The following ZNF43 variants were observed in gnomAD, a reference collection of about 807,000 sequenced individuals.
ZNF43 encodes the protein zinc finger protein 43.
In ZNF43, 44 loss-of-function variants were observed where a neutral mutation model predicts 68.4. That is an observed-to-expected ratio of 0.64 (90% CI 0.51 to 0.83). The LOEUF (loss-of-function observed/expected upper bound fraction) is 0.83. Ranked by LOEUF, ZNF43 falls within the 40% of genes least tolerant of loss-of-function variation. The pLI is 0.00. For missense variants in ZNF43, 896 were observed against 933.2 expected (o/e 0.96, Z 0.52); for synonymous variants, 308 against 307.8 (o/e 1.00, Z -0.01).
In ZNF43 at chr19:21,828,327, C is replaced by T. The variant is rs376662505; in HGVS notation, c.3+7709G>A. ...AGGCATGGTGATTCATGCCTGTAAT[C>T]CCAGCACTTTGGGAGGCCAAGGCGG... On this transcript the variant is annotated intron_variant, in intron 1 of 3. Coordinates refer to ENST00000354959, the MANE Select transcript of ZNF43 (RefSeq NM_003423.4). 6.6e-5 allele frequency among the ~76,000 whole-genome samples: 10 copies of T among 152,334 alleles called. No individual in the cohort carries two copies. In the East Asian group the frequency reaches 1.5e-3, roughly 24 times the overall value.
chr19:21,849,271 C>A (rs1968168262), intron 1 of ZNF43, among the ~76,000 whole-genome samples: 1 of 151,958 alleles, frequency 6.6e-6, no homozygotes, highest in Non-Finnish European at 1.5e-5. Flanking sequence ...GGTGGATAAC[C>A]TGAGGTCGGG....
chr19:21,819,145 T>A lies in ZNF43; in HGVS notation c.80A>T (p.Asn27Ile). 1 of 1,611,740 alleles carries A rather than the reference T, an allele frequency of 6.2e-7. No homozygotes were observed. ...EWQCLDIAQQ[N>I]LYRNVMLENY... ...CTCTAACATCACATTCCTATATAAA[T>A]TCTGCTGTGCAATGTCCAGGCATTG... The change falls in exon 2 of 4, where the codon AAT becomes ATT. Residue 27 changes from asparagine to isoleucine, a missense_variant. Asn to Ile is a moderately radical substitution (Grantham distance 149, BLOSUM62 -3). Transcript: ENST00000354959.
At position 21,808,025 on chromosome 19, in the gene ZNF43, ATTATC is replaced by A; in HGVS notation, c.2007_2011del (p.Lys669AsnfsTer11). 1 of 1,611,984 alleles carries A rather than the reference ATTATC, an allele frequency of 6.2e-7. No individual in the cohort carries two copies. Among genetic ancestry groups the A allele is most frequent in the Non-Finnish European group, 8.5e-7 (1 of 1,179,598 alleles). ...TTTGTAGGGTTTCTCTCCAGTATGA[ATTATC>A]TTATGTTTAGTAAGGGTTGAGGACC... On this transcript the variant is annotated frameshift_variant, in exon 4 of 4. Transcript: ENST00000354959. LOFTEE classifies it high-confidence loss of function.
chr19:21,836,078 T>TC lies in ZNF43; in HGVS notation c.-41dup, dbSNP rs572345334. Reference sequence around the variant, plus strand: ...GGGGTCCTGGCGTCTTAGCTGTGGATCCCCCAATACCCGCAGGTCACAGAG... The same window carrying TC: ...GGGGTCCTGGCGTCTTAGCTGTGGATCCCCCCAATACCCGCAGGTCACAGAG... On this transcript the variant is annotated 5_prime_UTR_variant, in exon 1 of 4. Transcript: ENST00000354959. 7.4e-4 allele frequency: 1,198 copies of TC among 1,613,102 alleles called. 13 individuals are homozygous for TC. The African/African-American group carries it at 0.014, about 18-fold the overall frequency.
At chr19:21,836,353 T>C (rs2038739772), upstream of ZNF43, 4 of 958,080 alleles carry the variant, frequency 4.2e-6, no homozygotes, top group South Asian at 2.5e-5. Context: ...AATGACAGCC[T>C]AGGCTGCCGC....
intron 1 of ZNF43, among the ~76,000 whole-genome samples, chr19:21,842,264 C>G (rs1967592031): frequency 6.6e-6 from 1 of 151,768 alleles, no homozygotes; most frequent in Non-Finnish European, 1.5e-5. Flanking sequence ...CAAAAATTAG[C>G]TAGGTATGGT....
Position 21,809,685 on chromosome 19 carries a change from G to A in ZNF43, c.352C>T (p.His118Tyr), listed in dbSNP as rs552395425. 2 of 1,611,254 alleles carry A rather than the reference G, an allele frequency of 1.2e-6. No individual in the cohort carries two copies. The highest frequency in any genetic ancestry group is 2.2e-5 in the East Asian group (1 of 44,746). The change falls in exon 4 of 4, where the codon CAT becomes TAT. Residue 118 changes from histidine to tyrosine, a missense_variant. Physicochemically the swap from His to Tyr is moderately conservative, Grantham distance 83. Transcript: ENST00000354959. ...ACCTTACACTCATCCACACTTTTAT[G>A]GTCTTTTTTTAAATGTACATTTTTA... The part of the protein sequence containing the change: ...EHKNVHLKKD[H>Y]KSVDECKVHR...
At chr19:21,829,029 T>A (rs1246782911) in intron 1 of ZNF43, among the ~76,000 whole-genome samples, 2 of 63,772 alleles carry the variant, frequency 3.1e-5, no homozygotes, top group Non-Finnish European at 5.2e-5. Context: ...AGAGACTCTG[T>A]CTCAAAAAAA....
At chr19:21,843,459 A>C in intron 1 of ZNF43, 1 of 859,906 alleles carries the variant, frequency 1.2e-6, no homozygotes, top group Non-Finnish European at 1.4e-6. Flanking sequence ...CATGCATAAC[A>C]ACCTCAATCT....
intron 1 of ZNF43, chr19:21,851,825 G>A: frequency 6.9e-7 from 1 of 1,459,804 alleles, no homozygotes; most frequent in Middle Eastern, 2.2e-4. Context: ...CAGGACTCAG[G>A]AGCGGACTGT....
upstream of ZNF43, chr19:21,838,157 TAAAG>T (rs921089243): frequency 6.6e-6 from 1 of 152,186 alleles, no homozygotes; most frequent in African/African-American, 2.4e-5. Context: ...TGGCTAATTG[TAAAG>T]AAAGTATGTA....
upstream of ZNF43, among the ~76,000 whole-genome samples, chr19:21,837,506 C>T (rs1288137505): frequency 2.8e-5 from 4 of 142,620 alleles, no homozygotes; most frequent in East Asian, 8.2e-4. Context: ...CTCACTGCAA[C>T]CTCCGCCTCC....
intron 1 of ZNF43, among the ~76,000 whole-genome samples, chr19:21,842,219 G>T (rs1967585380): frequency 6.6e-6 from 1 of 151,878 alleles, no homozygotes; most frequent in Admixed American, 6.6e-5. Context: ...GAGCATCCTG[G>T]ACAACGTGGT....
chr19:21,806,682 G>A lies in ZNF43; in HGVS notation c.*925C>T, dbSNP rs940305525. The stretch of plus-strand genomic sequence containing the variant: ...AATCAGTAATTTTTTCAAGATAAAA[G>A]TATACTTTAATTGTAATTATAACTG... On this transcript the variant is annotated 3_prime_UTR_variant, in exon 4 of 4. Transcript: ENST00000354959. 1.3e-5 allele frequency: 2 copies of A among 152,002 alleles called. No individual in the cohort carries two copies. Among genetic ancestry groups the A allele is most frequent in the African/African-American group, 2.4e-5 (1 of 41,384 alleles). The allele number at this position is 152,002 out of a possible 1,614,324, so 9.4% of individuals were successfully genotyped here. A position where few individuals can be genotyped will look rare whatever the true frequency, so the allele number is the denominator to read the frequency against.
At chr19:21,818,611 C>A (rs750750777) in intron 2 of ZNF43, among the ~76,000 whole-genome samples, 3 of 146,074 alleles carry the variant, frequency 2.1e-5, no homozygotes, top group Non-Finnish European at 4.5e-5. Flanking sequence ...AGTAGAGATG[C>A]GGTTTTGCCA....
chr19:21,825,854 C>T (rs970339519), intron 1 of ZNF43, among the ~76,000 whole-genome samples: 1 of 152,082 alleles, frequency 6.6e-6, no homozygotes, highest in Non-Finnish European at 1.5e-5. Context: ...AGATCAAGAC[C>T]AATCCAGCCA....
At position 21,807,832 on chromosome 19, in the gene ZNF43, T is replaced by G. The variant is rs2037022174; in HGVS notation, c.2205A>C (p.Lys735Asn). 1.2e-6 allele frequency: 2 copies of G among 1,613,334 alleles called. No individual in the cohort carries two copies. Residue 735 changes from lysine to asparagine, a missense_variant, in exon 4 of 4, where the codon AAA (lysine) becomes AAC (asparagine). Transcript: ENST00000354959. ...KKIHTGEQPYKCEECGKAFNY... is the reference protein window; with the variant it reads ...KKIHTGEQPYNCEECGKAFNY... ...TAAATGCTTTGCCACATTCTTCACA[T>G]TTGTAGGGTTGCTCTCCAGTATGAA...
At chr19:21,851,604 C>CT (rs1233552904) in intron 1 of ZNF43, among the ~76,000 whole-genome samples, 5 of 152,008 alleles carry the variant, frequency 3.3e-5, no homozygotes, top group African/African-American at 1.2e-4. Flanking sequence ...GCAGCTCCTC[C>CT]TGCGCACACA....
In ZNF43 at chr19:21,806,268, C is replaced by T. The variant is rs1365540326; in HGVS notation, c.*1339G>A. The stretch of plus-strand genomic sequence containing the variant: ...TTCGGCTCACTGAGACCTCCACTTT[C>T]CAGGTTCAAGTGATTCTCCTGCTTC... On this transcript the variant is annotated 3_prime_UTR_variant, in exon 4 of 4. Transcript: ENST00000354959. 1 of 150,808 alleles carries T rather than the reference C, an allele frequency of 6.6e-6. No individual in the cohort carries two copies. Among genetic ancestry groups the T allele is most frequent in the East Asian group, 1.9e-4 (1 of 5,140 alleles). 9.3% of individuals were successfully genotyped at this position (150,808 alleles called of 1,614,324 possible). A position where few individuals can be genotyped will look rare whatever the true frequency, so the allele number is the denominator to read the frequency against.
Sources: gnomAD v4.1 joint callset for allele counts (sites outside exome capture counted in the v4.1 genomes callset) on GRCh38, gnomAD v4.1.1 for gene constraint, MANE v1.5 for transcripts, NCBI Gene and HGNC (gene_info 2026-07-23, HGNC 2026-07-21) for gene names.